Variants in COPA observed in about 807,000 individuals in gnomAD.
COPA encodes the protein coat protein complex I subunit alpha, also known as coatomer subunit alpha.
COPA carries 10 observed loss-of-function variants against 158.7 expected under a neutral mutation model. The observed-to-expected ratio is 0.06, with a 90% confidence interval of 0.04 to 0.11. The LOEUF is 0.11. Ranked by LOEUF, COPA falls within the 10% of genes least tolerant of loss-of-function variation. The probability of loss-of-function intolerance (pLI) is 1.00; values close to 1 mark genes in which losing one functional copy is unlikely to be tolerated. For synonymous variants in COPA, 462 were observed against 542.8 expected, an observed-to-expected ratio of 0.85 and a Z score of 2.07; for missense variants, 1,065 against 1,536.7, an observed-to-expected ratio of 0.69 and a Z score of 5.13.
rs767415122 is a variant in COPA, at chr1:160,340,142, T to C, written c.154+39A>G. 5 of 1,518,900 alleles carry C rather than the reference T, an allele frequency of 3.3e-6. No individual in the cohort carries two copies. The Admixed American group carries it at 5.0e-5, about 15-fold the overall frequency. The allele number at this position is 1,518,900 out of a possible 1,614,324, so 94.1% of individuals were successfully genotyped here. On this transcript the variant is annotated intron_variant, in intron 2 of 32. Transcript: ENST00000241704. ...TTAAAATACCCCAGGATATTATAAA[T>C]ACTTATACTCCTTTAACTTCCTCCT...
chr1:160,324,899 C>T (rs11265373), intron 7 of COPA, among the ~76,000 whole-genome samples: 65,170 of 151,922 alleles, frequency 0.43, 14,935 homozygotes, highest in South Asian at 0.61. Context: ...TATATTGTGA[C>T]AGAATCCTGG....
intron 6 of COPA, 24 bp from the exon 7 acceptor site, chr1:160,325,676 T>C: frequency 6.5e-7 from 1 of 1,540,444 alleles, no homozygotes; most frequent in Middle Eastern, 1.7e-4. Context: ...AGGAGTGGGA[T>C]GAAAGATGTA....
Position 160,313,096 on chromosome 1 carries a change from A to C in COPA, c.914T>G (p.Leu305Arg), listed in dbSNP as rs778278962. The change falls in exon 10 of 33, where the codon CTC becomes CGC. Residue 305 changes from leucine to arginine, a missense_variant. This residue lies in a region of COPA where 980 missense variants were observed against 1,357.8 expected (regional missense o/e 0.72). Transcript: ENST00000241704. The stretch of plus-strand genomic sequence containing the variant: ...AAAATGGCCCTTACCTGCTGCAAAG[A>C]GGTTAAGGTTAGGGTGAGCAGCTAG... Reference protein sequence around the residue: ...WVLAAHPNLNLFAAGHDGGMI... With the variant: ...WVLAAHPNLNRFAAGHDGGMI... The C allele has an allele frequency of 1.9e-6, 3 of 1,613,930 alleles. No individual in the cohort carries two copies. In the South Asian group the frequency reaches 3.3e-5, roughly 18 times the overall value.
chr1:160,306,278 GA>G, intron 15 of COPA, 75 bp downstream of exon 15: 5 of 1,497,006 alleles, frequency 3.3e-6, no homozygotes, highest in South Asian at 2.7e-5. Context: ...CTCACTTGGG[GA>G]AAAAAGGTTC....
chr1:160,308,018 C>T (rs1193885145), intron 13 of COPA, among the ~76,000 whole-genome samples: 1 of 152,182 alleles, frequency 6.6e-6, no homozygotes, highest in Non-Finnish European at 1.5e-5. Flanking sequence ...CTCCCGTTTT[C>T]CAGGGGCCAG....
chr1:160,331,756 T>C (rs1167064770), intron 6 of COPA, among the ~76,000 whole-genome samples: 1 of 151,936 alleles, frequency 6.6e-6, no homozygotes. Context: ...GAGACCAGCC[T>C]GGCCAATATG....
intron 12 of COPA, among the ~76,000 whole-genome samples, chr1:160,309,446 A>G (rs1658891871): frequency 6.6e-6 from 1 of 151,902 alleles, no homozygotes; most frequent in African/African-American, 2.4e-5. Context: ...AATGCTCTCT[A>G]CTCCACAAAT....
chr1:160,318,916 T>A (rs1659246244), intron 8 of COPA, among the ~76,000 whole-genome samples: 1 of 151,392 alleles, frequency 6.6e-6, no homozygotes, highest in South Asian at 2.1e-4. Flanking sequence ...TAAGACATAT[T>A]ACCAAAGAAA....
intron 13 of COPA, among the ~76,000 whole-genome samples, chr1:160,308,732 A>G (rs1238824131): frequency 6.6e-6 from 1 of 152,194 alleles, no homozygotes; most frequent in Non-Finnish European, 1.5e-5. Flanking sequence ...ATAGGACAGT[A>G]TAAATCCCTA....
chr1:160,340,000 C>A lies in COPA; in HGVS notation c.155-18G>T, dbSNP rs201262334. ...CACTGGACCTGGTGGAGAAGGCAGGCAATGTATGTTAGACAGAGCTATCCT... is the reference window on the plus strand; with the variant it reads ...CACTGGACCTGGTGGAGAAGGCAGGAAATGTATGTTAGACAGAGCTATCCT... On this transcript the variant is annotated intron_variant, in intron 2 of 32. Coordinates refer to ENST00000241704, the MANE Select transcript of COPA (RefSeq NM_004371.4). The A allele has an allele frequency of 1.2e-6, 2 of 1,613,320 alleles. No individual in the cohort carries two copies. The highest frequency in any genetic ancestry group is 1.7e-6 in the Non-Finnish European group (2 of 1,179,272).
At chr1:160,296,229 C>A (rs1658407444) in intron 21 of COPA, 80 bp from the exon 22 acceptor site, 1 of 1,159,172 alleles carries the variant, frequency 8.6e-7, no homozygotes, top group African/African-American at 1.5e-5. Flanking sequence ...GAAATGGCCC[C>A]CCAGTAATCC....
rs1658171986 is a variant in COPA at position 160,290,076 on chromosome 1, G to C, written c.*81C>G. The C allele has an allele frequency of 8.1e-7, 1 of 1,236,608 alleles. No homozygotes were observed. Among genetic ancestry groups the C allele is most frequent in the African/African-American group, 1.5e-5 (1 of 67,330 alleles). The allele number at this position is 1,236,608 out of a possible 1,614,324, so 76.6% of individuals were successfully genotyped here. A position where few individuals can be genotyped will look rare whatever the true frequency, so the allele number is the denominator to read the frequency against. On this transcript the variant is annotated 3_prime_UTR_variant, in exon 33 of 33. Coordinates refer to ENST00000241704, the MANE Select transcript of COPA (RefSeq NM_004371.4). ...CAGATCTGAAGAGTAGCTGCAGGGG[G>C]AAGGTGCTGTTAGAAGGAGGATATA...
At position 160,313,181 on chromosome 1, in the gene COPA, A is replaced by G; in HGVS notation, c.843-14T>C. 2.5e-6 allele frequency: 4 copies of G among 1,611,374 alleles called. No homozygotes were observed. The highest frequency in any genetic ancestry group is 3.4e-6 in the Non-Finnish European group (4 of 1,177,714). ...TGAACCCCAGTCCTAGAAAAGGTAC[A>G]CAAAAAGAAAAACATTAATTTCCTA... is the stretch of plus-strand genomic sequence containing the variant. On this transcript the variant is annotated splice_polypyrimidine_tract_variant and intron_variant, in intron 9 of 32. Transcript: ENST00000241704.
chr1:160,306,945 A>T (rs1180413602), intron 14 of COPA, among the ~76,000 whole-genome samples: 8 of 152,184 alleles, frequency 5.3e-5, no homozygotes, highest in African/African-American at 1.9e-4. Context: ...CTTGGTTCTT[A>T]AACCCAGAGC....
At chr1:160,314,619 G>A (rs1659076584) in intron 8 of COPA, among the ~76,000 whole-genome samples, 1 of 152,186 alleles carries the variant, frequency 6.6e-6, no homozygotes. Flanking sequence ...AACAGAGCAA[G>A]ACCCTGTCTC....
chr1:160,303,876 A>G lies in COPA; in HGVS notation c.1667+1557T>C, dbSNP rs142521317. 7.2e-5 allele frequency among the ~76,000 whole-genome samples: 11 copies of G among 152,298 alleles called. No individual in the cohort carries two copies. In the East Asian group the frequency reaches 2.1e-3, roughly 29 times the overall value. ...TTCACATAAGAGGAAATCCTACTGG[A>G]TGGCCAGATGAAAAGGTGCTCAATC... is the stretch of plus-strand genomic sequence containing the variant. On this transcript the variant is annotated intron_variant, in intron 17 of 32. Transcript: ENST00000241704.
rs79968233 is a variant in COPA, at chr1:160,294,913, G to A, written c.2477-56C>T. 4.4e-3 allele frequency: 6,572 copies of A among 1,479,262 alleles called. 209 individuals carry two copies. In the African/African-American group the frequency reaches 0.074, roughly 17 times the overall value. 91.6% of individuals were successfully genotyped at this position (1,479,262 alleles called of 1,614,324 possible). The stretch of plus-strand genomic sequence containing the variant: ...TTATAGTCCAGCAAGTCTGAGATAC[G>A]GCCTTTTCTGTAGGCAGGTTAAATC... On this transcript the variant is annotated intron_variant, in intron 23 of 32. Transcript: ENST00000241704.
chr1:160,334,735 A>G (rs1647682369), intron 4 of COPA, among the ~76,000 whole-genome samples: 1 of 152,208 alleles, frequency 6.6e-6, no homozygotes, highest in South Asian at 2.1e-4. Flanking sequence ...TCTGCACCTC[A>G]CTATCTAAAT....
In COPA at chr1:160,325,664, T is replaced by C. The variant is rs1006396789; in HGVS notation, c.497-12A>G. On this transcript the variant is annotated splice_polypyrimidine_tract_variant and intron_variant, in intron 6 of 32. Transcript: ENST00000241704. ...TTTTTTCCTCAGACCTTTGAAGGGA[T>C]AAGGAGTGGGATGAAAGATGTAAAC... 5 of 1,594,244 alleles carry C rather than the reference T, an allele frequency of 3.1e-6. No individual in the cohort carries two copies. The highest frequency in any genetic ancestry group is 4.3e-6 in the Non-Finnish European group (5 of 1,162,050).
Sources: allele counts gnomAD v4.1 joint callset (sites outside exome capture counted in the v4.1 genomes callset), GRCh38; gene constraint gnomAD v4.1.1; regional missense constraint gnomAD v4.1.1; transcripts MANE v1.5; gene names NCBI Gene and HGNC (gene_info 2026-07-23, HGNC 2026-07-21).